The following CABIN1 variants were observed in gnomAD, a reference collection of about 807,000 sequenced individuals.
CABIN1 encodes calcineurin-binding protein cabin-1.
A neutral mutation model predicts 227.7 loss-of-function variants in CABIN1; 133 were observed. The ratio of observed to expected loss-of-function variants is 0.58; its 90% CI spans 0.51 to 0.67. The LOEUF is 0.67. CABIN1 is among the 30% of genes least tolerant of loss of function. The pLI, the probability that CABIN1 is intolerant of heterozygous loss-of-function variation, is 0.00. For missense variants in CABIN1, 2,408 were observed against 2,852.5 expected (o/e 0.84, Z 3.55); for synonymous variants, 1,086 against 1,155.1 (o/e 0.94, Z 1.21).
chr22:24,091,927 C>T, intron 24 of CABIN1, 84 bp downstream of exon 24: 7 of 1,549,476 alleles, frequency 4.5e-6, no homozygotes, highest in African/African-American at 1.4e-5. Flanking sequence ...GCTCAAGGTT[C>T]CAGTGACCGT....
intron 19 of CABIN1, 91 bp downstream of exon 19, chr22:24,076,375 C>A: frequency 1.9e-6 from 2 of 1,050,442 alleles, no homozygotes; most frequent in Non-Finnish European, 2.9e-6. Flanking sequence ...CATGTTGGCA[C>A]GCTGGGCTTG....
In CABIN1 at chr22:24,055,137, G is replaced by T. The variant is rs199591183; in HGVS notation, c.1071G>T (p.Leu357=). ...GCTTCCCACTGCACAGTCCTGGTCT[G>T]TTGGAGACAGGCGCTCCTGTGGGTA... ...TTSFPLHSPG[L]LETGAPVGDI... Residue 357 remains leucine (L), a synonymous_variant, in exon 9 of 37, where the codon CTG becomes CTT. Coordinates refer to ENST00000263119, the MANE Select transcript of CABIN1 (RefSeq NM_012295.4). 1.0e-4 allele frequency: 163 copies of T among 1,612,844 alleles called. No individual in the cohort carries two copies. Among genetic ancestry groups the T allele is most frequent in the Middle Eastern group, 1.6e-4 (1 of 6,084 alleles).
At chr22:24,073,475 G>A (rs1001176590) in intron 18 of CABIN1, among the ~76,000 whole-genome samples, 1 of 152,170 alleles carries the variant, frequency 6.6e-6, no homozygotes, top group African/African-American at 2.4e-5. Context: ...GAGTTAACAT[G>A]TGGTTTTTCT....
At chr22:24,076,525 G>A (rs990254253) in intron 19 of CABIN1, among the ~76,000 whole-genome samples, 4 of 152,104 alleles carry the variant, frequency 2.6e-5, no homozygotes, top group Non-Finnish European at 5.9e-5. Context: ...AGGAAGCTCC[G>A]GAGCTCTTGA....
At chr22:24,146,805 G>C (rs1041294670) in intron 29 of CABIN1, among the ~76,000 whole-genome samples, 1 of 152,264 alleles carries the variant, frequency 6.6e-6, no homozygotes, top group Non-Finnish European at 1.5e-5. Context: ...AGGATGCTTG[G>C]GCAGAGGAAG....
chr22:24,064,060 A>C lies in CABIN1; in HGVS notation c.1910A>C (p.Asn637Thr), dbSNP rs775319841. Residue 637 changes from asparagine (N) to threonine (T), a missense_variant, in exon 15 of 37, where the codon AAC becomes ACC. Coordinates refer to ENST00000263119, the MANE Select transcript of CABIN1 (RefSeq NM_012295.4). ...GGAGACATGGAGCAGGCCCTGGAGA[A>C]CTATGACATCTGCACAGAAATGCTC... The part of the protein sequence containing the change: ...LQGDMEQALE[N>T]YDICTEMLQS... 1 of 1,614,204 alleles carries C rather than the reference A, an allele frequency of 6.2e-7. No homozygotes were observed. Among genetic ancestry groups the C allele is most frequent in the South Asian group, 1.1e-5 (1 of 91,084 alleles).
Position 24,041,152 on chromosome 22 carries a change from G to A in CABIN1, c.224G>A (p.Gly75Asp). 1 of 1,614,216 alleles carries A rather than the reference G, an allele frequency of 6.2e-7. No individual in the cohort carries two copies. Among genetic ancestry groups the A allele is most frequent in the Non-Finnish European group, 8.5e-7 (1 of 1,180,038 alleles). The change falls in exon 5 of 37, where the codon GGT becomes GAT. Residue 75 changes from glycine (G) to aspartate (D), a missense_variant. This residue lies in a region of CABIN1 where 1,045 missense variants were observed against 1,168.4 expected (regional missense o/e 0.89). Transcript: ENST00000263119. Reference protein sequence around the residue: ...ASLLREAVSSGDEKEGLKHPG... With the variant: ...ASLLREAVSSDDEKEGLKHPG... ...TTTTGTTCACAGGCAGTTTCATCCG[G>A]TGATGAGAAAGAGGGGTTGAAACAC... is the stretch of plus-strand genomic sequence containing the variant.
chr22:24,041,394 A>G, intron 5 of CABIN1, 121 bp downstream of exon 5: 2 of 1,270,502 alleles, frequency 1.6e-6, no homozygotes, highest in Non-Finnish European at 2.3e-6. Context: ...AAGCTATAGT[A>G]CCCAAGGCTC....
chr22:24,162,375 G>T (rs2046207650), intron 29 of CABIN1, among the ~76,000 whole-genome samples: 1 of 152,206 alleles, frequency 6.6e-6, no homozygotes, highest in Non-Finnish European at 1.5e-5. Context: ...AGGCAAGGGG[G>T]CCAATCCTGG....
chr22:24,177,848 G>T lies in CABIN1; in HGVS notation c.6519+31G>T. The T allele has an allele frequency of 6.3e-7, 1 of 1,597,048 alleles. No individual in the cohort carries two copies. The highest frequency in any genetic ancestry group is 8.6e-7 in the Non-Finnish European group (1 of 1,168,826). ...CTCAGGGGCTGGGCTGGAGCCATGT[G>T]TGGGTGGGAGGCATAGGTTACAAAG... On this transcript the variant is annotated intron_variant, in intron 36 of 36. Coordinates refer to ENST00000263119, the MANE Select transcript of CABIN1 (RefSeq NM_012295.4). This position sits in a 1 kb window ranked among gnomAD's most constrained non-coding sequence, Gnocchi z 4.4.
At chr22:24,160,982 G>T (rs565798502) in intron 29 of CABIN1, among the ~76,000 whole-genome samples, 1 of 152,280 alleles carries the variant, frequency 6.6e-6, no homozygotes, top group South Asian at 2.1e-4. Flanking sequence ...TGGACCCCTA[G>T]GCTCACTCTA....
At position 24,084,561 on chromosome 22, in the gene CABIN1, T is replaced by C; in HGVS notation, c.2911-18T>C. 1.2e-6 allele frequency: 2 copies of C among 1,604,376 alleles called. No homozygotes were observed. The highest frequency in any genetic ancestry group is 1.7e-4 in the Middle Eastern group (1 of 6,034). On this transcript the variant is annotated intron_variant, in intron 20 of 36. Coordinates refer to ENST00000263119, the MANE Select transcript of CABIN1 (RefSeq NM_012295.4). ...ACCCTGAATGTGTTACTAATCTGCC[T>C]TCTGTCTTTTTTTCAAGGTGGATCT...
At chr22:24,176,329 C>T (rs1037837698) in intron 35 of CABIN1, 54 bp downstream of exon 35, 3 of 1,549,100 alleles carry the variant, frequency 1.9e-6, no homozygotes, top group Non-Finnish European at 2.6e-6. Context: ...TGCCTCACAG[C>T]TGGCAGCCAG....
chr22:24,136,147 C>G (rs539838338), intron 29 of CABIN1, among the ~76,000 whole-genome samples: 32 of 152,312 alleles, frequency 2.1e-4, no homozygotes, highest in South Asian at 1.0e-3. Flanking sequence ...TAGAGGGCAT[C>G]TGCCCATTTA....
chr22:24,177,389 C>G lies in CABIN1; in HGVS notation c.6206-115C>G, dbSNP rs935357784. The G allele has an allele frequency of 9.4e-6, 9 of 953,808 alleles. No individual in the cohort carries two copies. The African/African-American group carries it at 1.3e-4, about 14-fold the overall frequency. The allele number at this position is 953,808 out of a possible 1,614,324, so 59.1% of individuals were successfully genotyped here. On this transcript the variant is annotated intron_variant, in intron 35 of 36. Coordinates refer to ENST00000263119, the MANE Select transcript of CABIN1 (RefSeq NM_012295.4). This position sits in a 1 kb window ranked among gnomAD's most constrained non-coding sequence, Gnocchi z 4.4. The stretch of plus-strand genomic sequence containing the variant: ...AGAAGCCTTGGAGCCTGCCAGCCAG[C>G]ACAAACTACACAGCATAAAGGCCCA...
chr22:24,131,158 G>C (rs558820276), intron 28 of CABIN1, among the ~76,000 whole-genome samples: 9 of 152,204 alleles, frequency 5.9e-5, no homozygotes, highest in Non-Finnish European at 1.3e-4. Context: ...CTTTGTCGAG[G>C]CTTTACTTTC....
intron 29 of CABIN1, among the ~76,000 whole-genome samples, chr22:24,135,865 A>T (rs549757078): frequency 4.6e-5 from 7 of 152,322 alleles, no homozygotes; most frequent in Admixed American, 3.9e-4. Flanking sequence ...GCTGAGAGCC[A>T]GCCAGCTGGT....
intron 29 of CABIN1, among the ~76,000 whole-genome samples, chr22:24,159,907 G>T (rs1602415765): frequency 1.3e-5 from 2 of 152,324 alleles, no homozygotes; most frequent in Middle Eastern, 6.8e-3. Context: ...GCCTTTGCAA[G>T]TCTTAAGAGG....
chr22:24,164,503 G>T lies in CABIN1; in HGVS notation c.4850G>T (p.Arg1617Leu). Residue 1617 changes from arginine (R) to leucine (L), a missense_variant, in exon 30 of 37, where the codon CGG (arginine) becomes CTG (leucine). This residue lies in a region of CABIN1 where 649 missense variants were observed against 910.3 expected (regional missense o/e 0.71). Transcript: ENST00000263119. Reference sequence around the variant, plus strand: ...CTGCTCAAGGTGCTGGCCCAGCTGCGGGACCACAGCACCCTGCTGAAGGTG... The same window carrying T: ...CTGCTCAAGGTGCTGGCCCAGCTGCTGGACCACAGCACCCTGCTGAAGGTG... ...VLLLKVLAQL[R>L]DHSTLLKVSS... 1 of 1,606,208 alleles carries T rather than the reference G, an allele frequency of 6.2e-7. No individual in the cohort carries two copies.
Sources: allele counts gnomAD v4.1 joint callset (sites outside exome capture counted in the v4.1 genomes callset), GRCh38; gene constraint gnomAD v4.1.1; regional missense constraint gnomAD v4.1.1; non-coding constraint Gnocchi (gnomAD v3.1); transcripts MANE v1.5; gene names NCBI Gene and HGNC (gene_info 2026-07-23, HGNC 2026-07-21).